USH2A: variants seen among roughly 807,000 people sequenced by gnomAD.
USH2A encodes usherin.
A neutral mutation model predicts 538.9 loss-of-function variants in USH2A; 443 were observed. That is an observed-to-expected ratio of 0.82 (90% CI 0.76 to 0.89). USH2A has a LOEUF of 0.89. Among genes scored for constraint, USH2A ranks in the 40% least tolerant of loss-of-function variants. The probability of loss-of-function intolerance (pLI) is 0.00; values close to 1 mark genes in which losing one functional copy is unlikely to be tolerated. For synonymous variants in USH2A, 2,413 were observed against 2,273.5 expected (o/e 1.06, Z -1.75); for missense variants, 6,633 against 6,324.8 (o/e 1.05, Z -1.65).
At chr1:216,098,250 A>C (rs1228230226) in intron 21 of USH2A, among the ~76,000 whole-genome samples, 2 of 152,226 alleles carry the variant, frequency 1.3e-5, no homozygotes, top group African/African-American at 4.8e-5. Context: ...AACTGGTAAG[A>C]GACACAATCT....
intron 32 of USH2A, among the ~76,000 whole-genome samples, chr1:216,046,006 GGTGT>G (rs59426829): frequency 0.078 from 10,710 of 137,596 alleles, 506 homozygotes; most frequent in African/African-American, 0.14. Context: ...CTATTTATCT[GGTGT>G]GTGTGTGTGT....
chr1:215,860,662 A>G (rs1474469654), intron 44 of USH2A, among the ~76,000 whole-genome samples: 7 of 152,206 alleles, frequency 4.6e-5, no homozygotes, highest in Admixed American at 4.6e-4. Flanking sequence ...GTTAAGACAG[A>G]GACTGTATGG....
At chr1:215,966,456 G>T (rs1009678976) in intron 36 of USH2A, among the ~76,000 whole-genome samples, 1 of 152,144 alleles carries the variant, frequency 6.6e-6, no homozygotes, top group Non-Finnish European at 1.5e-5. Context: ...CCAAGGAGGT[G>T]ATCAAACATG....
intron 47 of USH2A, among the ~76,000 whole-genome samples, chr1:215,818,316 A>G (rs558079198): frequency 5.3e-5 from 8 of 151,964 alleles, no homozygotes; most frequent in Middle Eastern, 3.4e-3. Flanking sequence ...ACTTGCAGTC[A>G]AAATAAATGC....
intron 64 of USH2A, among the ~76,000 whole-genome samples, chr1:215,669,129 A>G (rs1324349784): frequency 6.6e-6 from 1 of 152,196 alleles, no homozygotes; most frequent in East Asian, 1.9e-4. Flanking sequence ...ACACAACACA[A>G]TACCAGAGAA....
intron 13 of USH2A, among the ~76,000 whole-genome samples, chr1:216,235,531 A>C (rs1045291226): frequency 1.3e-5 from 2 of 152,230 alleles, no homozygotes; most frequent in Middle Eastern, 3.2e-3. Flanking sequence ...GCTAAAACAA[A>C]GAGTCACCCA....
intron 13 of USH2A, among the ~76,000 whole-genome samples, chr1:216,233,048 G>A (rs370428394): frequency 2.6e-5 from 4 of 152,164 alleles, no homozygotes; most frequent in East Asian, 1.9e-4. Flanking sequence ...TCTATTCTTC[G>A]TAGCAGTCTT....
At chr1:216,329,813 G>C (rs957598335) in intron 4 of USH2A, among the ~76,000 whole-genome samples, 5 of 151,944 alleles carry the variant, frequency 3.3e-5, no homozygotes, top group African/African-American at 1.2e-4. Flanking sequence ...AAGCCACCCA[G>C]TTTGCAGTAC....
chr1:216,048,481 T>C, intron 31 of USH2A, 53 bp downstream of exon 31: 5 of 1,553,384 alleles, frequency 3.2e-6, no homozygotes, highest in Non-Finnish European at 4.4e-6. Flanking sequence ...TCTTCTCCTA[T>C]TTTATTATTC....
chr1:216,406,047 AG>A (rs1181310110), intron 3 of USH2A, among the ~76,000 whole-genome samples: 1 of 152,198 alleles, frequency 6.6e-6, no homozygotes. Context: ...CAGTAGGGGA[AG>A]GGAGACAGTG....
intron 21 of USH2A, among the ~76,000 whole-genome samples, chr1:216,173,680 AT>A (rs1253747888): frequency 8.5e-5 from 13 of 152,200 alleles, no homozygotes; most frequent in Admixed American, 7.2e-4. Flanking sequence ...GGATGACCAA[AT>A]TTATTAACGG....
chr1:216,121,600 C>G (rs181567952), intron 21 of USH2A, among the ~76,000 whole-genome samples: 14 of 152,216 alleles, frequency 9.2e-5, no homozygotes, highest in Admixed American at 6.5e-4. Flanking sequence ...AGTTTTCAGG[C>G]TATGCTAATT....
Position 216,195,563 on chromosome 1 carries a change from C to T in USH2A, c.4251+990G>A, listed in dbSNP as rs552022453. Among the ~76,000 whole-genome samples the T allele has an allele frequency of 1.3e-3, 193 of 151,538 alleles. 1 individual carries two copies. Among genetic ancestry groups the T allele is most frequent in the African/African-American group, 4.5e-3 (185 of 41,292 alleles). On this transcript the variant is annotated intron_variant, in intron 19 of 71. Coordinates refer to ENST00000307340, the MANE Select transcript of USH2A (RefSeq NM_206933.4). ...GTCACCCATGTTGTGTGGAAAGAGA[C>T]GTGTCTCAAGGTAAAATGTACCTGG... is the stretch of plus-strand genomic sequence containing the variant.
chr1:215,871,223 T>C (rs1475906588), intron 43 of USH2A, among the ~76,000 whole-genome samples: 2 of 152,216 alleles, frequency 1.3e-5, no homozygotes, highest in East Asian at 1.9e-4. Context: ...GACATGACTA[T>C]GGTAATTTTC....
At chr1:216,193,815 A>T (rs1162723019) in intron 19 of USH2A, among the ~76,000 whole-genome samples, 1 of 151,964 alleles carries the variant, frequency 6.6e-6, no homozygotes, top group African/African-American at 2.4e-5. Flanking sequence ...CTAACACCTA[A>T]ATTTCCGTTG....
intron 21 of USH2A, among the ~76,000 whole-genome samples, chr1:216,106,177 T>C (rs1039672456): frequency 4.7e-5 from 7 of 147,562 alleles, no homozygotes; most frequent in Admixed American, 6.8e-5. Context: ...TTTATATATA[T>C]AAATATATAA....
chr1:216,195,448 G>A lies in USH2A; in HGVS notation c.4251+1105C>T, dbSNP rs74689335. On this transcript the variant is annotated intron_variant, in intron 19 of 71. Transcript: ENST00000307340. ...GTGGCTGCAAGTCTAAATGGTAGCTGTTGCTCTAAAACCCTTGTCAGAGAT... is the reference window on the plus strand; with the variant it reads ...GTGGCTGCAAGTCTAAATGGTAGCTATTGCTCTAAAACCCTTGTCAGAGAT... Among the ~76,000 whole-genome samples, 10 of 152,270 alleles carry A rather than the reference G, an allele frequency of 6.6e-5. No homozygotes were observed. The East Asian group carries it at 1.9e-3, about 30-fold the overall frequency.
At position 215,918,596 on chromosome 1, in the gene USH2A, G is replaced by A. The variant is rs546854808; in HGVS notation, c.7300+16020C>T. Among the ~76,000 whole-genome samples the A allele has an allele frequency of 7.2e-5, 11 of 152,140 alleles. No individual in the cohort carries two copies. The South Asian group carries it at 1.5e-3, about 20-fold the overall frequency. ...TAGTCTATAGTATTTTGTTGTAGCC[G>A]CCTAAACGGACAAGACAGCATCCCT... On this transcript the variant is annotated intron_variant, in intron 38 of 71. Transcript: ENST00000307340.
intron 11 of USH2A, among the ~76,000 whole-genome samples, chr1:216,273,489 A>AG (rs1558356891): frequency 6.6e-6 from 1 of 151,828 alleles, no homozygotes; most frequent in Non-Finnish European, 1.5e-5. Flanking sequence ...AATGAAAAAA[A>AG]AACCTCACAT....
Sources: gnomAD v4.1 joint callset for allele counts (sites outside exome capture counted in the v4.1 genomes callset) on GRCh38, gnomAD v4.1.1 for gene constraint, MANE v1.5 for transcripts, NCBI Gene and HGNC (gene_info 2026-07-23, HGNC 2026-07-21) for gene names.